The following DMXL2 variants were observed in gnomAD, a reference collection of about 807,000 sequenced individuals.
The protein encoded by DMXL2 is Dmx like 2.
A neutral mutation model predicts 331.1 loss-of-function variants in DMXL2; 103 were observed. The observed-to-expected ratio is 0.31, with a 90% CI of 0.27 to 0.37. DMXL2 has a LOEUF of 0.37. Among genes scored for constraint, DMXL2 ranks in the 10% least tolerant of loss-of-function variants. The pLI is 1.00. For synonymous variants in DMXL2, 1,281 were observed against 1,252.1 expected (o/e 1.02, Z -0.49); for missense variants, 3,171 against 3,642.9 (o/e 0.87, Z 3.33).
intron 14 of DMXL2, among the ~76,000 whole-genome samples, chr15:51,516,424 A>G (rs1567056417): frequency 6.6e-6 from 1 of 152,222 alleles, no homozygotes; most frequent in Non-Finnish European, 1.5e-5. Context: ...AGTACCCAAC[A>G]TGGGGCCTAA....
At chr15:51,497,580 G>A (rs887073268) in intron 18 of DMXL2, among the ~76,000 whole-genome samples, 1 of 152,144 alleles carries the variant, frequency 6.6e-6, no homozygotes. Context: ...TTGAATTAAT[G>A]AAATTCTGAT....
chr15:51,517,634 A>G (rs1005028438), intron 13 of DMXL2, among the ~76,000 whole-genome samples: 31 of 152,218 alleles, frequency 2.0e-4, no homozygotes, highest in Non-Finnish European at 4.4e-5. Flanking sequence ...TTTCTGCTAA[A>G]AAGAACAGTC....
At chr15:51,606,722 A>C (rs765880918) in intron 1 of DMXL2, among the ~76,000 whole-genome samples, 25 of 152,340 alleles carry the variant, frequency 1.6e-4, no homozygotes, top group Non-Finnish European at 3.2e-4. Context: ...ACAAGGAAAA[A>C]AGACCTCATG....
intron 18 of DMXL2, among the ~76,000 whole-genome samples, chr15:51,495,493 A>G (rs1198753384): frequency 6.6e-6 from 1 of 152,210 alleles, no homozygotes; most frequent in Non-Finnish European, 1.5e-5. Flanking sequence ...ATGAATTCCG[A>G]TGAGATGTAA....
chr15:51,551,226 A>G (rs2049199907), intron 6 of DMXL2, among the ~76,000 whole-genome samples: 1 of 152,144 alleles, frequency 6.6e-6, no homozygotes. Flanking sequence ...TTTTCAATCC[A>G]AGACACATTT....
At chr15:51,502,231 T>TTA (rs758890815) in intron 17 of DMXL2, among the ~76,000 whole-genome samples, 1 of 114,798 alleles carries the variant, frequency 8.7e-6, no homozygotes, top group Non-Finnish European at 1.7e-5. Context: ...AGACTCCGTC[T>TTA]AAAAAAAAAA....
intron 1 of DMXL2, among the ~76,000 whole-genome samples, chr15:51,602,837 T>A (rs77005598): frequency 0.01 from 1,558 of 152,242 alleles, 20 homozygotes; most frequent in African/African-American, 0.035. Flanking sequence ...ATATCAACAT[T>A]CTCCATAGGA....
intron 1 of DMXL2, among the ~76,000 whole-genome samples, chr15:51,614,282 T>C (rs57687995): frequency 2.3e-3 from 352 of 152,238 alleles, no homozygotes; most frequent in African/African-American, 8.3e-3. Flanking sequence ...GGAAAAAAAA[T>C]CTGTTGTTTA....
At chr15:51,538,592 C>A in intron 9 of DMXL2, 140 bp from the exon 10 acceptor site, 1 of 612,134 alleles carries the variant, frequency 1.6e-6, no homozygotes, top group Non-Finnish European at 2.6e-6. Context: ...AAAACTTTAA[C>A]TGAATTTAAT....
rs2039596422 is a variant in DMXL2 at position 51,456,113 on chromosome 15, C to T, written c.8479G>A (p.Gly2827Ser). ...TATAATCTAGTAACTCTTGCATTGC[C>T]AGCTTGACGAAAGCAGACAAGTTGC... is the stretch of plus-strand genomic sequence containing the variant. ...PQQLVCFRQA[G>S]NARVTRLYFN... The change falls in exon 39 of 44, where the codon GGC (glycine) becomes AGC (serine). Residue 2827 changes from glycine (G) to serine (S), a missense_variant. Around this residue, in one of 7 missense-constraint regions of DMXL2, gnomAD observed 766 missense variants for 940.5 expected, o/e 0.81. Coordinates refer to ENST00000560891, the MANE Select transcript of DMXL2 (RefSeq NM_001378457.1). 1.2e-6 allele frequency: 2 copies of T among 1,614,190 alleles called. No individual in the cohort carries two copies. Among genetic ancestry groups the T allele is most frequent in the Non-Finnish European group, 1.7e-6 (2 of 1,180,036 alleles).
Position 51,448,801 on chromosome 15 carries a change from C to T in DMXL2, c.*183G>A. The T allele has an allele frequency of 1.6e-6, 1 of 625,112 alleles. No homozygotes were observed. The highest frequency in any genetic ancestry group is 2.8e-6 in the Non-Finnish European group (1 of 361,822). The allele number at this position is 625,112 out of a possible 1,614,324, so 38.7% of individuals were successfully genotyped here. On this transcript the variant is annotated 3_prime_UTR_variant, in exon 44 of 44. Transcript: ENST00000560891. ...GGTTTTATTTTTTTTAGTATGTCAG[C>T]ATAATAAGGTACATGCGCATTCATT...
Position 51,455,241 on chromosome 15 carries a change from T to TA in DMXL2, c.8527-14dup, listed in dbSNP as rs1566973980. ...CCGCAACACCACACTGTAAGAACAGTATAACTACTAAACACATGTTCTTAG... is the reference window on the plus strand; with the variant it reads ...CCGCAACACCACACTGTAAGAACAGTAATAACTACTAAACACATGTTCTTAG... On this transcript the variant is annotated splice_polypyrimidine_tract_variant and intron_variant, in intron 39 of 43. Coordinates refer to ENST00000560891, the MANE Select transcript of DMXL2 (RefSeq NM_001378457.1). The TA allele has an allele frequency of 6.2e-7, 1 of 1,607,074 alleles. No individual in the cohort carries two copies. Among genetic ancestry groups the TA allele is most frequent in the Non-Finnish European group, 8.5e-7 (1 of 1,173,630 alleles).
intron 1 of DMXL2, among the ~76,000 whole-genome samples, chr15:51,616,077 C>T (rs2054266323): frequency 6.6e-6 from 1 of 152,132 alleles, no homozygotes. Flanking sequence ...AATGTTATTA[C>T]TCCCAAGGCT....
In DMXL2 at chr15:51,458,598, T is replaced by C; in HGVS notation, c.8106A>G (p.Ser2702=). The C allele has an allele frequency of 1.2e-6, 2 of 1,614,006 alleles. No homozygotes were observed. The highest frequency in any genetic ancestry group is 1.7e-6 in the Non-Finnish European group (2 of 1,179,888). Residue 2702 remains serine (S), a synonymous_variant, in exon 36 of 44, where the codon TCA becomes TCG. Transcript: ENST00000560891. ...CATCAAGTTCTTGAACATCATGTGT[T>C]GAAGCCAAAACAATTTCATTACAAT... is the stretch of plus-strand genomic sequence containing the variant. ...KANCNEIVLA[S]THDVQELDVT... is the part of the protein sequence containing the mutation.
intron 13 of DMXL2, among the ~76,000 whole-genome samples, chr15:51,531,244 T>C (rs1389967582): frequency 6.6e-6 from 1 of 152,156 alleles, no homozygotes; most frequent in African/African-American, 2.4e-5. Context: ...TACAGTGAAC[T>C]CATTTTTGAC....
At chr15:51,549,479 AG>A (rs1283675817) in intron 6 of DMXL2, among the ~76,000 whole-genome samples, 1 of 152,196 alleles carries the variant, frequency 6.6e-6, no homozygotes, top group Non-Finnish European at 1.5e-5. Flanking sequence ...ATAGATACCC[AG>A]AAGTGGATAG....
chr15:51,508,011 A>T (rs2046514316), intron 15 of DMXL2, among the ~76,000 whole-genome samples: 1 of 152,196 alleles, frequency 6.6e-6, no homozygotes, highest in Admixed American at 6.5e-5. Context: ...AAAACTCATA[A>T]TGACAACATA....
intron 6 of DMXL2, among the ~76,000 whole-genome samples, chr15:51,549,877 T>A (rs557281634): frequency 6.6e-6 from 1 of 152,142 alleles, no homozygotes; most frequent in Non-Finnish European, 1.5e-5. Context: ...GTCAGATGTA[T>A]AGATCATGAA....
chr15:51,536,104 C>T (rs933671478), intron 12 of DMXL2, 62 bp downstream of exon 12: 46 of 1,342,168 alleles, frequency 3.4e-5, no homozygotes, highest in East Asian at 7.2e-5. Context: ...TAAACCATTT[C>T]GTATATAACA....
Sources: allele counts gnomAD v4.1 joint callset (sites outside exome capture counted in the v4.1 genomes callset), GRCh38; gene constraint gnomAD v4.1.1; regional missense constraint gnomAD v4.1.1; transcripts MANE v1.5; gene names NCBI Gene and HGNC (gene_info 2026-07-23, HGNC 2026-07-21).